EML1: variants seen among roughly 807,000 people sequenced by gnomAD.
EML1 encodes EMAP like 1.
Under a neutral mutation model 110.4 loss-of-function variants are expected in EML1, and 27 were observed. The ratio of observed to expected loss-of-function variants is 0.24; its 90% CI spans 0.18 to 0.34. EML1 has a LOEUF of 0.34. Ranked by LOEUF, EML1 falls within the 10% of genes least tolerant of loss-of-function variation. The probability of loss-of-function intolerance (pLI) is 1.00; values close to 1 mark genes in which losing one functional copy is unlikely to be tolerated. For missense variants in EML1, 741 were observed against 1,030.9 expected (o/e 0.72, Z 3.85); for synonymous variants, 344 against 385.8 (o/e 0.89, Z 1.27).
chr14:99,738,023 G>A (rs745927253), intron 1 of EML1, among the ~76,000 whole-genome samples: 3 of 152,208 alleles, frequency 2.0e-5, no homozygotes, highest in Non-Finnish European at 4.4e-5. Context: ...GAAGGGGGGA[G>A]CTTGACTTTC....
At chr14:99,915,276 G>A (rs1038408718) in intron 15 of EML1, 7 of 160,622 alleles carry the variant, frequency 4.4e-5, no homozygotes, top group African/African-American at 1.7e-4. Flanking sequence ...GCCGGGCATG[G>A]TGGTGCATGC....
At position 99,786,449 on chromosome 14, in the gene EML1, C is replaced by T. The variant is rs1300243357; in HGVS notation, c.-27+12436C>T. 2.6e-5 allele frequency among the ~76,000 whole-genome samples: 4 copies of T among 152,200 alleles called. No homozygotes were observed. In the East Asian group the frequency reaches 7.7e-4, roughly 29 times the overall value. On this transcript the variant is annotated intron_variant, in intron 1 of 22. Coordinates refer to the EML1 transcript ENST00000327921. ...TCAACCTTGTGTCAAGCATGATGGG[C>T]ATTAGGGGTATATCATCTCCCAGGA... is the stretch of plus-strand genomic sequence containing the variant.
At chr14:99,799,510 G>A (rs2057835634) in intron 1 of EML1, among the ~76,000 whole-genome samples, 1 of 152,224 alleles carries the variant, frequency 6.6e-6, no homozygotes, top group South Asian at 2.1e-4. Context: ...GAGGCATTCT[G>A]TGATAGCAAA....
chr14:99,773,929 C>G (rs1017662452), exon 1 of EML1: 1 of 152,302 alleles, frequency 6.6e-6, no homozygotes, highest in East Asian at 1.9e-4. Flanking sequence ...GCCTCTGCCC[C>G]CCGCATCTCC....
In EML1 at chr14:99,847,291, C is replaced by T. The variant is rs182735566; in HGVS notation, c.68-3562C>T. Among the ~76,000 whole-genome samples the T allele has an allele frequency of 5.3e-5, 8 of 152,282 alleles. No homozygotes were observed. In the East Asian group the frequency reaches 7.7e-4, roughly 15 times the overall value. The stretch of plus-strand genomic sequence containing the variant: ...CTATTGTTAGCTACCGTTTTCTCTA[C>T]GTATCAGTTAAGTCAACACGGTTTA... On this transcript the variant is annotated intron_variant, in intron 1 of 21. Coordinates refer to ENST00000262233, the MANE Select transcript of EML1 (RefSeq NM_004434.3).
chr14:99,848,455 T>A (rs2058739017), intron 1 of EML1, among the ~76,000 whole-genome samples: 1 of 152,120 alleles, frequency 6.6e-6, no homozygotes, highest in African/African-American at 2.4e-5. Flanking sequence ...ATATATATAT[T>A]TTAAAACATG....
At chr14:99,764,195 G>A (rs1046254839) in intron 1 of EML1, among the ~76,000 whole-genome samples, 6 of 152,190 alleles carry the variant, frequency 3.9e-5, no homozygotes, top group African/African-American at 1.2e-4. Flanking sequence ...GTTGGGCTGG[G>A]TGGCTCCAGA....
At chr14:99,895,308 A>G (rs913457342) in intron 6 of EML1, among the ~76,000 whole-genome samples, 28 of 152,104 alleles carry the variant, frequency 1.8e-4, no homozygotes, top group African/African-American at 6.0e-4. Flanking sequence ...GACTCAAGCA[A>G]TCTGCTCGTC....
chr14:99,929,072 C>T (rs1018103314), intron 17 of EML1, among the ~76,000 whole-genome samples: 6 of 152,238 alleles, frequency 3.9e-5, no homozygotes, highest in Admixed American at 2.6e-4. Flanking sequence ...CTAACTTGAG[C>T]AGGTCCATTG....
At chr14:99,892,829 A>T (rs2059610214) in intron 5 of EML1, among the ~76,000 whole-genome samples, 1 of 152,210 alleles carries the variant, frequency 6.6e-6, no homozygotes, top group Non-Finnish European at 1.5e-5. Flanking sequence ...AAATAGCATT[A>T]TATTGTCTTT....
intron 1 of EML1, among the ~76,000 whole-genome samples, chr14:99,774,598 T>C (rs1055579945): frequency 4.6e-5 from 7 of 152,176 alleles, no homozygotes; most frequent in Non-Finnish European, 8.8e-5. Flanking sequence ...CCTGGCCACA[T>C]AGGATGCTGC....
At chr14:99,760,436 C>T (rs1342715463) in intron 1 of EML1, among the ~76,000 whole-genome samples, 1 of 152,194 alleles carries the variant, frequency 6.6e-6, no homozygotes, top group Non-Finnish European at 1.5e-5. Flanking sequence ...AACTGCGGAA[C>T]ATGGAGTGAA....
intron 15 of EML1, among the ~76,000 whole-genome samples, chr14:99,915,973 G>A (rs1422246360): frequency 6.6e-6 from 1 of 152,236 alleles, no homozygotes; most frequent in Admixed American, 6.5e-5. Flanking sequence ...TGAGGTGGAA[G>A]GGCCCAAGGG....
intron 17 of EML1, among the ~76,000 whole-genome samples, chr14:99,922,866 T>C (rs1267985573): frequency 6.6e-6 from 1 of 152,220 alleles, no homozygotes; most frequent in Non-Finnish European, 1.5e-5. Flanking sequence ...TAAGTCCTCT[T>C]TATATATTCC....
At chr14:99,868,628 C>T (rs929080016) in intron 3 of EML1, among the ~76,000 whole-genome samples, 1 of 151,914 alleles carries the variant, frequency 6.6e-6, no homozygotes, top group African/African-American at 2.4e-5. Context: ...TCTTATAGTC[C>T]TTCTCGTTTT....
rs747890251 is a variant in EML1, at chr14:99,897,157, G to A, written c.690G>A (p.Arg230=). 2.5e-6 allele frequency: 4 copies of A among 1,605,566 alleles called. No individual in the cohort carries two copies. The highest frequency in any genetic ancestry group is 3.4e-6 in the Non-Finnish European group (4 of 1,176,362). ...RLKLEWVYGY[R]GRDCRNNLYL... ...GACATCCACAAAGCTATGGGTACAG[G>A]GGTCGAGACTGCCGTAACAACCTGT... Residue 230 remains arginine (R), a synonymous_variant, in exon 7 of 22, where the codon AGG becomes AGA. Coordinates refer to ENST00000262233, the MANE Select transcript of EML1 (RefSeq NM_004434.3).
intron 1 of EML1, among the ~76,000 whole-genome samples, chr14:99,812,235 A>G (rs182950518): frequency 3.3e-5 from 5 of 151,890 alleles, no homozygotes; most frequent in Admixed American, 1.3e-4. Context: ...AGGGTTGCTG[A>G]TGCAGTCAGG....
intron 1 of EML1, among the ~76,000 whole-genome samples, chr14:99,796,061 C>A (rs911094759): frequency 3.9e-5 from 6 of 152,022 alleles, no homozygotes; most frequent in African/African-American, 1.4e-4. Flanking sequence ...GTGGCTTGAA[C>A]CTGTAATCCT....
At chr14:99,744,237 A>G (rs892032416) in intron 1 of EML1, among the ~76,000 whole-genome samples, 2 of 152,232 alleles carry the variant, frequency 1.3e-5, no homozygotes, top group African/African-American at 4.8e-5. Flanking sequence ...CCTTATAAAA[A>G]GACCACTGCA....
Sources: gnomAD v4.1 joint callset for allele counts (sites outside exome capture counted in the v4.1 genomes callset) on GRCh38, gnomAD v4.1.1 for gene constraint, MANE v1.5 for transcripts, NCBI Gene and HGNC (gene_info 2026-07-23, HGNC 2026-07-21) for gene names.